Variants in USP19 observed in about 807,000 individuals in gnomAD.
USP19 encodes the protein ubiquitin specific peptidase 19.
In USP19, 40 loss-of-function variants were observed where a neutral mutation model predicts 144.8. The observed-to-expected ratio is 0.28, with a 90% confidence interval of 0.21 to 0.36. The LOEUF (loss-of-function observed/expected upper bound fraction) is 0.36. USP19 is among the 10% of genes least tolerant of loss of function. The pLI is 1.00. For synonymous variants in USP19, 701 were observed against 709.3 expected (o/e 0.99, Z 0.19); for missense variants, 1,518 against 1,822.5 (o/e 0.83, Z 3.04).
chr3:49,113,898 T>G (rs992088341), intron 17 of USP19, 94 bp downstream of exon 17: 6 of 1,351,630 alleles, frequency 4.4e-6, no homozygotes, highest in Non-Finnish European at 6.3e-6. Context: ...CCAGCCCATG[T>G]GTATGTCTGT....
rs1315696989 is a variant in USP19 at position 49,111,099 on chromosome 3, C to T, written c.3396G>A (p.Leu1132=). ...TGGAGGCTACCAACACAAACTCCTG[C>T]AAGCGCTCATTGTTCCGCCAGACGA... ...LALVWRNNER[L]QEFVLVASKE... is the part of the protein sequence containing the mutation. Residue 1132 remains leucine (L), a synonymous_variant, in exon 23 of 27, where the codon TTG becomes TTA. Coordinates refer to ENST00000417901, the MANE Select transcript of USP19 (RefSeq NM_001199161.2). The surrounding 1 kb of genome is among the most constrained non-coding windows in gnomAD (Gnocchi z 5.9). 1 of 1,613,932 alleles carries T rather than the reference C, an allele frequency of 6.2e-7. No individual in the cohort carries two copies.
chr3:49,116,781 C>T lies in USP19; in HGVS notation c.1072G>A (p.Asp358Asn). ...ACTGCCATCTCCTCCTTGGCACAGT[C>T]ATCTTTCCCAGGGTTTCTGCTCCGG... ...MVRSRNPGKD[D>N]CAKEEMAVAA... The change falls in exon 7 of 27, where the codon GAC (aspartate) becomes AAC (asparagine). Residue 358 changes from aspartate to asparagine, a missense_variant. Transcript: ENST00000417901. This position sits in a 1 kb window ranked among gnomAD's most constrained non-coding sequence, Gnocchi z 5.0. 6.2e-7 allele frequency: 1 copy of T among 1,613,938 alleles called. No homozygotes were observed. The highest frequency in any genetic ancestry group is 1.1e-5 in the South Asian group (1 of 91,060).
rs1469814903 is a variant in USP19, at chr3:49,116,571, T to C, written c.1163A>G (p.Asn388Ser). 12 of 1,614,058 alleles carry C rather than the reference T, an allele frequency of 7.4e-6. No homozygotes were observed. Among genetic ancestry groups the C allele is most frequent in the Middle Eastern group, 1.6e-4 (1 of 6,084 alleles). The change falls in exon 8 of 27, where the codon AAT (asparagine) becomes AGT (serine). Residue 388 changes from asparagine (N) to serine (S), a missense_variant. Around this residue, in one of 5 missense-constraint regions of USP19, gnomAD observed 707 missense variants for 728.9 expected, o/e 0.97. Transcript: ENST00000417901. This position sits in a 1 kb window ranked among gnomAD's most constrained non-coding sequence, Gnocchi z 5.0. ...ESMVNLAFVK[N>S]DSYEKGPDSV... The stretch of plus-strand genomic sequence containing the variant: ...ATCCGGGCCCTTCTCATACGAGTCA[T>C]TCTTGACAAACGCCAGGTTCACCAT...
At position 49,117,843 on chromosome 3, in the gene USP19, A is replaced by T; in HGVS notation, c.299-13T>A. On this transcript the variant is annotated splice_polypyrimidine_tract_variant and intron_variant, in intron 3 of 26. Coordinates refer to ENST00000417901, the MANE Select transcript of USP19 (RefSeq NM_001199161.2). This position sits in a 1 kb window ranked among gnomAD's most constrained non-coding sequence, Gnocchi z 4.4. ...TCTTCACAAGCTCCTGATGGTGATA[A>T]GCAGGTAACAGAGACCCAGCCTAAT... 6.2e-7 allele frequency: 1 copy of T among 1,613,980 alleles called. No individual in the cohort carries two copies. The highest frequency in any genetic ancestry group is 8.5e-7 in the Non-Finnish European group (1 of 1,179,852).
rs914048481 is a variant in USP19 at position 49,111,050 on chromosome 3, G to A, written c.3445C>T (p.Pro1149Ser). 1.2e-6 allele frequency: 2 copies of A among 1,613,944 alleles called. No homozygotes were observed. Among genetic ancestry groups the A allele is most frequent in the South Asian group, 2.2e-5 (2 of 91,090 alleles). Residue 1149 changes from proline to serine, a missense_variant, in exon 23 of 27, where the codon CCA becomes TCA. Physicochemically the swap from Pro to Ser is moderately conservative, Grantham distance 74. Coordinates refer to ENST00000417901, the MANE Select transcript of USP19 (RefSeq NM_001199161.2). The surrounding 1 kb of genome is among the most constrained non-coding windows in gnomAD (Gnocchi z 5.9). ...ASKELECAEDPGSAGEAARAG... is the reference protein window; with the variant it reads ...ASKELECAEDSGSAGEAARAG... The stretch of plus-strand genomic sequence containing the variant: ...CGGGCAGCCTCACCGGCAGAGCCTG[G>A]ATCCTCAGCACATTCCAGCTCCTTG...
rs772803938 is a variant in USP19 at position 49,116,565 on chromosome 3, G to A, written c.1169C>T (p.Ser390Leu). The A allele has an allele frequency of 6.8e-6, 11 of 1,614,122 alleles. No individual in the cohort carries two copies. The highest frequency in any genetic ancestry group is 1.6e-4 in the Middle Eastern group (1 of 6,062). The change falls in exon 8 of 27, where the codon TCG (serine) becomes TTG (leucine). Residue 390 changes from serine to leucine, a missense_variant. Physicochemically the swap from Ser to Leu is moderately radical, Grantham distance 145. Coordinates refer to ENST00000417901, the MANE Select transcript of USP19 (RefSeq NM_001199161.2). This position sits in a 1 kb window ranked among gnomAD's most constrained non-coding sequence, Gnocchi z 5.0. ...CACTGAATCCGGGCCCTTCTCATAC[G>A]AGTCATTCTTGACAAACGCCAGGTT... ...MVNLAFVKND[S>L]YEKGPDSVVV... is the part of the protein sequence containing the mutation.
chr3:49,110,248 G>A lies in USP19; in HGVS notation c.3974C>T (p.Pro1325Leu). The A allele has an allele frequency of 6.3e-7, 1 of 1,595,572 alleles. No homozygotes were observed. ...GTGGTGCTCAGAGTGACCTGCCCTG[G>A]GGGGCCTCTCCACAGGAGAGTTCCG... is the stretch of plus-strand genomic sequence containing the variant. ...RRRNSPVERP[P>L]RAGHSEHHPD... is the part of the protein sequence containing the mutation. The change falls in exon 26 of 27, where the codon CCC becomes CTC. Residue 1325 changes from proline (P) to leucine (L), a missense_variant. By Grantham distance (98) the Pro-to-Leu change is moderately conservative (BLOSUM62 -3). Transcript: ENST00000417901. This position sits in a 1 kb window ranked among gnomAD's most constrained non-coding sequence, Gnocchi z 6.1.
rs371453271 is a variant in USP19, at chr3:49,115,559, C to T, written c.1773G>A (p.Glu591=). 377 of 1,613,796 alleles carry T rather than the reference C, an allele frequency of 2.3e-4. 1 individual carries two copies. The highest frequency in any genetic ancestry group is 1.1e-3 in the East Asian group (51 of 44,882). The change falls in exon 12 of 27, where the codon GAG becomes GAA. Residue 591 remains glutamate, a synonymous_variant. Transcript: ENST00000417901. This position sits in a 1 kb window ranked among gnomAD's most constrained non-coding sequence, Gnocchi z 6.6. ...GDSVEEEEEE[E]KKVCLPGFTG... Reference sequence around the variant, plus strand: ...TGAAGCCTGGCAGACACACCTTCTTCTCTTCCTCTTCCTCCTCCTCCACGC... The same window carrying T: ...TGAAGCCTGGCAGACACACCTTCTTTTCTTCCTCTTCCTCCTCCTCCACGC...
chr3:49,115,710 C>A lies in USP19; in HGVS notation c.1692+14G>T, dbSNP rs1304253454. The A allele has an allele frequency of 1.2e-6, 2 of 1,607,838 alleles. No homozygotes were observed. Among genetic ancestry groups the A allele is most frequent in the Non-Finnish European group, 8.5e-7 (1 of 1,175,330 alleles). Reference sequence around the variant, plus strand: ...AGCCTCCATTCTTCGTCCTTCCCACCCCAGAATTCTCACCGAGGCCAGGTG... The same window carrying A: ...AGCCTCCATTCTTCGTCCTTCCCACACCAGAATTCTCACCGAGGCCAGGTG... On this transcript the variant is annotated intron_variant, in intron 11 of 26. Coordinates refer to ENST00000417901, the MANE Select transcript of USP19 (RefSeq NM_001199161.2). This position sits in a 1 kb window ranked among gnomAD's most constrained non-coding sequence, Gnocchi z 6.6.
Position 49,110,253 on chromosome 3 carries a change from C to A in USP19, c.3969G>T (p.Arg1323Ser), listed in dbSNP as rs753487972. The A allele has an allele frequency of 6.3e-7, 1 of 1,597,236 alleles. No homozygotes were observed. Among genetic ancestry groups the A allele is most frequent in the South Asian group, 1.1e-5 (1 of 89,012 alleles). ...FYRRRNSPVE[R>S]PPRAGHSEHH... ...GCTCAGAGTGACCTGCCCTGGGGGG[C>A]CTCTCCACAGGAGAGTTCCGCCGGC... Residue 1323 changes from arginine to serine, a missense_variant, in exon 26 of 27, where the codon AGG becomes AGT. Arg to Ser is a moderately radical substitution (Grantham distance 110). Coordinates refer to ENST00000417901, the MANE Select transcript of USP19 (RefSeq NM_001199161.2). This position sits in a 1 kb window ranked among gnomAD's most constrained non-coding sequence, Gnocchi z 6.1.
Position 49,108,364 on chromosome 3 carries a change from T to C in USP19, c.*48A>G. On this transcript the variant is annotated 3_prime_UTR_variant, in exon 27 of 27. Coordinates refer to ENST00000417901, the MANE Select transcript of USP19 (RefSeq NM_001199161.2). The surrounding 1 kb of genome is among the most constrained non-coding windows in gnomAD (Gnocchi z 4.8). ...AGGAGAAGCGGCAAGGAGCTGGCCC[T>C]CTGTGTGGGTGTCCCAAACCCAGTC... The C allele has an allele frequency of 1.4e-6, 1 of 696,752 alleles. No homozygotes were observed. Among genetic ancestry groups the C allele is most frequent in the Non-Finnish European group, 2.2e-6 (1 of 452,130 alleles). 43.2% of individuals were successfully genotyped at this position (696,752 alleles called of 1,614,324 possible). A position where few individuals can be genotyped will look rare whatever the true frequency, so the allele number is the denominator to read the frequency against.
In USP19 at chr3:49,117,471, T is replaced by C; in HGVS notation, c.572A>G (p.Lys191Arg). The stretch of plus-strand genomic sequence containing the variant: ...GGGCCACGTGAGCATAGGCACCTTT[T>C]TGGGCAGTGTCAGGTGCAGGAGACT... ...KGSLLHLTLP[K>R]KVPMLTWPSL... Residue 191 changes from lysine to arginine, a missense_variant, in exon 5 of 27, where the codon AAA (lysine) becomes AGA (arginine). Lys to Arg is a conservative substitution (Grantham distance 26, BLOSUM62 2). Transcript: ENST00000417901. This position sits in a 1 kb window ranked among gnomAD's most constrained non-coding sequence, Gnocchi z 4.4. 1.2e-6 allele frequency: 2 copies of C among 1,614,150 alleles called. No homozygotes were observed. Among genetic ancestry groups the C allele is most frequent in the African/African-American group, 1.3e-5 (1 of 75,058 alleles).
At position 49,110,073 on chromosome 3, in the gene USP19, T is replaced by TC. The variant is rs2042911385; in HGVS notation, c.4038+110dup. The TC allele has an allele frequency of 7.7e-7, 1 of 1,297,078 alleles. No homozygotes were observed. Among genetic ancestry groups the TC allele is most frequent in the African/African-American group, 1.5e-5 (1 of 67,212 alleles). The allele number at this position is 1,297,078 out of a possible 1,614,324, so 80.3% of individuals were successfully genotyped here. On this transcript the variant is annotated intron_variant, in intron 26 of 26. Transcript: ENST00000417901. This position sits in a 1 kb window ranked among gnomAD's most constrained non-coding sequence, Gnocchi z 6.1. ...AAGAGAACTCTGCAATTCTCATGAA[T>TC]CCCAAGGCTCAATGGGCCTGTGGCT...
In USP19 at chr3:49,116,502, G is replaced by T. The variant is rs200252720; in HGVS notation, c.1232C>A (p.Thr411Asn). The T allele has an allele frequency of 7.7e-4, 1,245 of 1,614,172 alleles. 16 individuals carry two copies. In the South Asian group the frequency reaches 0.01, roughly 14 times the overall value. The change falls in exon 8 of 27, where the codon ACC (threonine) becomes AAC (asparagine). Residue 411 changes from threonine (T) to asparagine (N), a missense_variant. Around this residue, in one of 5 missense-constraint regions of USP19, gnomAD observed 707 missense variants for 728.9 expected, o/e 0.97. Coordinates refer to ENST00000417901, the MANE Select transcript of USP19 (RefSeq NM_001199161.2). The surrounding 1 kb of genome is among the most constrained non-coding windows in gnomAD (Gnocchi z 5.0). Reference sequence around the variant, plus strand: ...CTGCTCACGGAAAAGTACTCTTGAGGTGTCCCTGCAGATCTCCTTCACGTA... The same window carrying T: ...CTGCTCACGGAAAAGTACTCTTGAGTTGTCCCTGCAGATCTCCTTCACGTA... Reference protein sequence around the residue: ...HVYVKEICRDTSRVLFREQDF... With the variant: ...HVYVKEICRDNSRVLFREQDF...
At chr3:49,118,323 T>C (rs1214553805) in intron 2 of USP19, among the ~76,000 whole-genome samples, 3 of 150,902 alleles carry the variant, frequency 2.0e-5, no homozygotes, top group Non-Finnish European at 2.9e-5. Flanking sequence ...ATCCCAGCAC[T>C]TTGAGAGGCC....
chr3:49,112,720 G>A lies in USP19; in HGVS notation c.2506-91C>T. On this transcript the variant is annotated intron_variant, in intron 17 of 26. Transcript: ENST00000417901. The surrounding 1 kb of genome is among the most constrained non-coding windows in gnomAD (Gnocchi z 4.9). ...TTAAGAAGGCTTGGCCCTGCCTTGG[G>A]TCTATGTGGGCAGTGGTGAGGTCTG... 3 of 1,520,360 alleles carry A rather than the reference G, an allele frequency of 2.0e-6. No homozygotes were observed. The highest frequency in any genetic ancestry group is 1.8e-6 in the Non-Finnish European group (2 of 1,129,572). 94.2% of individuals were successfully genotyped at this position (1,520,360 alleles called of 1,614,324 possible). A position where few individuals can be genotyped will look rare whatever the true frequency, so the allele number is the denominator to read the frequency against.
intron 26 of USP19, chr3:49,109,281 G>A: frequency 1.4e-6 from 2 of 1,392,226 alleles, no homozygotes; most frequent in Non-Finnish European, 1.9e-6. Context: ...TGGGGTGACT[G>A]GGGCTAACAC....
chr3:49,109,270 C>A, intron 26 of USP19: 1 of 1,416,038 alleles, frequency 7.1e-7, no homozygotes, highest in Non-Finnish European at 9.3e-7. Context: ...ACAGTCCCAC[C>A]TGGGGTGACT....
chr3:49,115,679 C>T lies in USP19; in HGVS notation c.1693-40G>A. The T allele has an allele frequency of 6.2e-7, 1 of 1,606,400 alleles. No individual in the cohort carries two copies. The highest frequency in any genetic ancestry group is 1.1e-5 in the South Asian group (1 of 90,746). On this transcript the variant is annotated intron_variant, in intron 11 of 26. Coordinates refer to ENST00000417901, the MANE Select transcript of USP19 (RefSeq NM_001199161.2). This position sits in a 1 kb window ranked among gnomAD's most constrained non-coding sequence, Gnocchi z 6.6. ...ACGACATGAGAGAACAGCCCCAAGA[C>T]TCTCCAGCCTCCATTCTTCGTCCTT...
Sources: gnomAD v4.1 joint callset for allele counts (sites outside exome capture counted in the v4.1 genomes callset) on GRCh38, gnomAD v4.1.1 for gene constraint, gnomAD v4.1.1 regional missense constraint, Gnocchi (gnomAD v3.1) non-coding constraint, MANE v1.5 for transcripts, NCBI Gene and HGNC (gene_info 2026-07-23, HGNC 2026-07-21) for gene names.